DHX32: variants seen among roughly 807,000 people sequenced by gnomAD.
DHX32 encodes DEAH-box helicase 32 (putative).
DHX32 carries 51 observed loss-of-function variants against 70.0 expected under a neutral mutation model. That is an observed-to-expected ratio of 0.73 (90% CI 0.58 to 0.92). The LOEUF is 0.92. Among genes scored for constraint, DHX32 ranks in the 40% least tolerant of loss-of-function variants. DHX32 has a pLI of 0.00. For missense variants in DHX32, 762 were observed against 891.8 expected (o/e 0.85, Z 1.85); for synonymous variants, 310 against 315.3 (o/e 0.98, Z 0.18).
At chr10:125,895,968 G>T (rs75296126) in intron 1 of DHX32, among the ~76,000 whole-genome samples, 14,598 of 151,338 alleles carry the variant, frequency 0.096, no homozygotes, top group Middle Eastern at 0.16. Context: ...GCCCGGGCTC[G>T]GAGGGAGCCC....
chr10:125,884,710 G>A (rs1023422291), upstream of DHX32, among the ~76,000 whole-genome samples: 1 of 152,152 alleles, frequency 6.6e-6, no homozygotes, highest in Non-Finnish European at 1.5e-5. Context: ...GACAAAGTTT[G>A]TAAGGCATTA....
At chr10:125,891,208 G>A (rs1206274812) in intron 1 of DHX32, among the ~76,000 whole-genome samples, 1 of 152,246 alleles carries the variant, frequency 6.6e-6, no homozygotes, top group Admixed American at 6.5e-5. Flanking sequence ...GCTTATTTAA[G>A]TAGTCTAGTG....
rs1328230699 is a variant in DHX32, at chr10:125,880,990, C to G, written c.-166G>C. 3.9e-6 allele frequency: 3 copies of G among 777,436 alleles called. No individual in the cohort carries two copies. The South Asian group carries it at 5.7e-5, about 15-fold the overall frequency. 48.2% of individuals were successfully genotyped at this position (777,436 alleles called of 1,614,324 possible). Reference sequence around the variant, plus strand: ...CAAGTTAAATTCCTCAAACCTGCATCTGTTCTCCGTTGCTGTGTTACCCAC... The same window carrying G: ...CAAGTTAAATTCCTCAAACCTGCATGTGTTCTCCGTTGCTGTGTTACCCAC... On this transcript the variant is annotated 5_prime_UTR_variant, in exon 1 of 11. Transcript: ENST00000284690.
At chr10:125,848,014 C>T (rs571694974) in intron 6 of DHX32, among the ~76,000 whole-genome samples, 2 of 152,246 alleles carry the variant, frequency 1.3e-5, no homozygotes, top group South Asian at 2.1e-4. Flanking sequence ...GGTTGGGGAC[C>T]CCTGCATTAA....
intron 1 of DHX32, among the ~76,000 whole-genome samples, chr10:125,888,464 A>C (rs1273647474): frequency 1.1e-4 from 16 of 152,150 alleles, no homozygotes; most frequent in African/African-American, 3.9e-4. Flanking sequence ...CATTTTAACC[A>C]AAACTTTATA....
rs1209955555 is a variant in DHX32, at chr10:125,854,135, C to CA, written c.917dup (p.Val307GlyfsTer18). On this transcript the variant is annotated frameshift_variant, in exon 4 of 11. Transcript: ENST00000284690. LOFTEE classifies it high-confidence loss of function. ...TCTCTTTTGGATACAAAGGAACAAC[C>CA]ACCAGTTCTCCAAGATCTGGGTTTA... The CA allele has an allele frequency of 6.2e-7, 1 of 1,613,718 alleles. No individual in the cohort carries two copies. The highest frequency in any genetic ancestry group is 8.5e-7 in the Non-Finnish European group (1 of 1,179,960).
In DHX32 at chr10:125,886,308, T is replaced by C. The variant is rs532569256; in HGVS notation, c.-247-5237A>G. Among the ~76,000 whole-genome samples the C allele has an allele frequency of 2.0e-4, 31 of 152,318 alleles. No individual in the cohort carries two copies. The East Asian group carries it at 5.0e-3, about 25-fold the overall frequency. On this transcript the variant is annotated intron_variant, in intron 1 of 2. Transcript: ENST00000415732. ...GCTCTCCCACACTCCCAAAAACCACTTCCTAACCTCTTTAACTGCTTCATT... is the reference window on the plus strand; with the variant it reads ...GCTCTCCCACACTCCCAAAAACCACCTCCTAACCTCTTTAACTGCTTCATT...
Position 125,866,868 on chromosome 10 carries a change from C to T in DHX32, c.476+122G>A, listed in dbSNP as rs1239567494. The T allele has an allele frequency of 3.0e-6, 3 of 1,001,234 alleles. No individual in the cohort carries two copies. Among genetic ancestry groups the T allele is most frequent in the East Asian group, 5.0e-5 (2 of 39,630 alleles). The allele number at this position is 1,001,234 out of a possible 1,614,324, so 62.0% of individuals were successfully genotyped here. A position where few individuals can be genotyped will look rare whatever the true frequency, so the allele number is the denominator to read the frequency against. On this transcript the variant is annotated intron_variant, in intron 2 of 10. Transcript: ENST00000284690. The surrounding 1 kb of genome is among the most constrained non-coding windows in gnomAD (Gnocchi z 4.8). ...GTTGCTGGCTGGCTGATGACAGAGA[C>T]CAGTTGCTACTGCACAGCATAGATG... is the stretch of plus-strand genomic sequence containing the variant.
At chr10:125,838,861 A>G in intron 9 of DHX32, 140 bp downstream of exon 9, 1 of 1,016,066 alleles carries the variant, frequency 9.8e-7, no homozygotes, top group Non-Finnish European at 1.4e-6. Flanking sequence ...AGGATACTTA[A>G]GTACCAAATC....
chr10:125,862,511 C>A (rs1042545963), intron 2 of DHX32, among the ~76,000 whole-genome samples: 5 of 151,590 alleles, frequency 3.3e-5, no homozygotes, highest in Non-Finnish European at 5.9e-5. Flanking sequence ...GCAAAACTCA[C>A]CTAAGCACTG....
At chr10:125,875,139 A>G (rs968428539) in intron 1 of DHX32, among the ~76,000 whole-genome samples, 7 of 152,146 alleles carry the variant, frequency 4.6e-5, no homozygotes, top group Non-Finnish European at 1.0e-4. Context: ...GGATCACTTG[A>G]GCCCAGGATG....
intron 3 of DHX32, chr10:125,854,748 C>T (rs966945485): frequency 1.3e-5 from 2 of 152,382 alleles, no homozygotes; most frequent in African/African-American, 4.8e-5. Context: ...CCCTTGCTTG[C>T]ACTTCCTTTT....
At chr10:125,844,430 G>A (rs1166697422) in intron 6 of DHX32, among the ~76,000 whole-genome samples, 1 of 152,218 alleles carries the variant, frequency 6.6e-6, no homozygotes, top group South Asian at 2.1e-4. Flanking sequence ...CCCTGGAGTT[G>A]AGTTGGCCGC....
intron 2 of DHX32, among the ~76,000 whole-genome samples, chr10:125,865,410 C>CA (rs1375738850): frequency 6.6e-6 from 1 of 152,218 alleles, no homozygotes; most frequent in African/African-American, 2.4e-5. Context: ...AAGTTCAAGT[C>CA]AGAGTGCTGA....
chr10:125,895,376 C>T (rs1278660406), intron 1 of DHX32, among the ~76,000 whole-genome samples: 1 of 152,252 alleles, frequency 6.6e-6, no homozygotes, highest in Non-Finnish European at 1.5e-5. Context: ...AATAGAGGGG[C>T]CATAATCTCC....
intron 1 of DHX32, among the ~76,000 whole-genome samples, chr10:125,886,713 A>G (rs1944342775): frequency 6.6e-6 from 1 of 152,312 alleles, no homozygotes; most frequent in Non-Finnish European, 1.5e-5. Context: ...ACCCCAAATT[A>G]ACTCCTTTCA....
chr10:125,852,413 T>C lies in DHX32; in HGVS notation c.1231A>G (p.Lys411Glu), dbSNP rs780909472. ...FCLYTEEFASKDMTPLKPAEM... is the reference protein window; with the variant it reads ...FCLYTEEFASEDMTPLKPAEM... Reference sequence around the variant, plus strand: ...GCTGGCTTCAGTGGCGTCATGTCTTTGGAGGCAAATTCTTCAGTGTACAGG... The same window carrying C: ...GCTGGCTTCAGTGGCGTCATGTCTTCGGAGGCAAATTCTTCAGTGTACAGG... Residue 411 changes from lysine to glutamate, a missense_variant, in exon 6 of 11, where the codon AAA becomes GAA. Coordinates refer to ENST00000284690, the MANE Select transcript of DHX32 (RefSeq NM_018180.3). 2 of 1,614,236 alleles carry C rather than the reference T, an allele frequency of 1.2e-6. No individual in the cohort carries two copies. Among genetic ancestry groups the C allele is most frequent in the East Asian group, 4.5e-5 (2 of 44,894 alleles).
chr10:125,857,900 ATTTT>A lies in DHX32; in HGVS notation c.849+1699_849+1702del, dbSNP rs570512404. Among the ~76,000 whole-genome samples the A allele has an allele frequency of 6.0e-5, 7 of 116,362 alleles. No individual in the cohort carries two copies. In the East Asian group the frequency reaches 1.3e-3, roughly 21 times the overall value. The allele number at this position is 116,362 out of a possible 152,430, so 76.3% of individuals were successfully genotyped here. On this transcript the variant is annotated intron_variant, in intron 3 of 10. Coordinates refer to ENST00000284690, the MANE Select transcript of DHX32 (RefSeq NM_018180.3). ...CCTGGTTTTTTTTTTTTAATTTTTC[ATTTT>A]TTTTTTTTTTCTAGAGACAGGGTCT...
At chr10:125,856,117 TCA>T (rs1944144936) in intron 3 of DHX32, among the ~76,000 whole-genome samples, 1 of 152,246 alleles carries the variant, frequency 6.6e-6, no homozygotes, top group Non-Finnish European at 1.5e-5. Context: ...ATCTGGTACT[TCA>T]GACATTTTGT....
Sources: gnomAD v4.1 joint callset for allele counts (sites outside exome capture counted in the v4.1 genomes callset) on GRCh38, gnomAD v4.1.1 for gene constraint, Gnocchi (gnomAD v3.1) non-coding constraint, MANE v1.5 for transcripts, NCBI Gene and HGNC (gene_info 2026-07-23, HGNC 2026-07-21) for gene names.